TCF4: variants seen among roughly 807,000 people sequenced by gnomAD.
TCF4 encodes the protein SL3-3 enhancer factor 2.
A neutral mutation model predicts 82.1 loss-of-function variants in TCF4; 3 were observed. The observed-to-expected ratio is 0.04, with a 90% CI of 0.02 to 0.09. TCF4 has a LOEUF of 0.09. Ranked by LOEUF, TCF4 falls within the 10% of genes least tolerant of loss-of-function variation. The pLI, the probability that TCF4 is intolerant of heterozygous loss-of-function variation, is 1.00. For missense variants in TCF4, 518 were observed against 852.7 expected (o/e 0.61, Z 4.89); for synonymous variants, 276 against 309.6 (o/e 0.89, Z 1.14).
At chr18:55,579,082 T>C (rs1319583059) in intron 3 of TCF4, among the ~76,000 whole-genome samples, 2 of 148,910 alleles carry the variant, frequency 1.3e-5, no homozygotes, top group African/African-American at 4.9e-5. Context: ...CTAATATAAA[T>C]ATATATATAT....
intron 9 of TCF4, among the ~76,000 whole-genome samples, chr18:55,277,258 C>A (rs1196691433): frequency 1.3e-5 from 2 of 151,970 alleles, no homozygotes; most frequent in African/African-American, 4.8e-5. Flanking sequence ...AGCTTTAGTC[C>A]TTAGATTACA....
intron 5 of TCF4, among the ~76,000 whole-genome samples, chr18:55,430,405 A>C (rs1414824609): frequency 6.6e-6 from 1 of 152,244 alleles, no homozygotes; most frequent in Non-Finnish European, 1.5e-5. Context: ...GTTTTCCAAC[A>C]GCAAACTGGA....
chr18:55,331,637 A>G (rs1374612369), intron 8 of TCF4, among the ~76,000 whole-genome samples: 2 of 152,240 alleles, frequency 1.3e-5, no homozygotes, highest in African/African-American at 2.4e-5. Context: ...ATAAGTCTTC[A>G]TGAAATGGGA....
At chr18:55,591,797 G>A (rs1161960091), upstream of TCF4, among the ~76,000 whole-genome samples, 1 of 152,210 alleles carries the variant, frequency 6.6e-6, no homozygotes, top group African/African-American at 2.4e-5. Context: ...AATTACAGGT[G>A]TGAGCCACTG....
rs2046078101 is a variant in TCF4, at chr18:55,223,056, C to T, written c.*4979G>A. The T allele has an allele frequency of 6.6e-6, 1 of 152,168 alleles. No homozygotes were observed. The allele number at this position is 152,168 out of a possible 1,614,324, so 9.4% of individuals were successfully genotyped here. On this transcript the variant is annotated 3_prime_UTR_variant, in exon 20 of 20. Coordinates refer to ENST00000354452, the MANE Select transcript of TCF4 (RefSeq NM_001083962.2). ...CTGAAAAGATCTGAGAATGTTCTGC[C>T]AAACAGCCGACCAACTGGTGCAAAA...
chr18:55,603,814 T>C (rs533704187), intron 2 of TCF4, among the ~76,000 whole-genome samples: 1 of 152,124 alleles, frequency 6.6e-6, no homozygotes, highest in South Asian at 2.1e-4. Flanking sequence ...ATGTCTCATT[T>C]GTTAGGAGGC....
At chr18:55,614,907 A>G (rs1464206955) in intron 2 of TCF4, among the ~76,000 whole-genome samples, 1 of 152,090 alleles carries the variant, frequency 6.6e-6, no homozygotes, top group Admixed American at 6.6e-5. Context: ...ACCCATTCTG[A>G]GTTAATTTTT....
At chr18:55,476,594 C>G (rs2096294164) in intron 3 of TCF4, among the ~76,000 whole-genome samples, 1 of 151,850 alleles carries the variant, frequency 6.6e-6, no homozygotes, top group East Asian at 1.9e-4. Flanking sequence ...TCCCACCTCA[C>G]CCTCCTGAGT....
At chr18:55,466,852 G>T (rs2096035844) in intron 3 of TCF4, among the ~76,000 whole-genome samples, 1 of 152,168 alleles carries the variant, frequency 6.6e-6, no homozygotes, top group Non-Finnish European at 1.5e-5. Context: ...AAAAATGCTG[G>T]AAGTCTAGCT....
At chr18:55,387,858 C>A (rs1425847296) in intron 6 of TCF4, among the ~76,000 whole-genome samples, 1 of 152,160 alleles carries the variant, frequency 6.6e-6, no homozygotes, top group Non-Finnish European at 1.5e-5. Context: ...TGACCTTTTG[C>A]TCTTTGGAAG....
chr18:55,619,525 A>G (rs2097715572), intron 2 of TCF4, among the ~76,000 whole-genome samples: 2 of 152,146 alleles, frequency 1.3e-5, no homozygotes, highest in African/African-American at 4.8e-5. Context: ...AATTTCAGAC[A>G]TTGTTGTTTT....
At chr18:55,467,520 A>T (rs771844195) in intron 3 of TCF4, among the ~76,000 whole-genome samples, 7 of 152,128 alleles carry the variant, frequency 4.6e-5, no homozygotes, top group Non-Finnish European at 1.0e-4. Context: ...GAACCACAGG[A>T]CTACTCCACT....
intron 3 of TCF4, among the ~76,000 whole-genome samples, chr18:55,571,936 G>C (rs2097475730): frequency 6.7e-6 from 1 of 150,020 alleles, no homozygotes; most frequent in South Asian, 2.1e-4. Flanking sequence ...CCAAAAGAAA[G>C]GTAATTAATT....
At chr18:55,293,159 A>G (rs951834704) in intron 8 of TCF4, among the ~76,000 whole-genome samples, 3 of 152,088 alleles carry the variant, frequency 2.0e-5, no homozygotes, top group African/African-American at 7.2e-5. Flanking sequence ...AAAATAACAC[A>G]CAGTAGTGGG....
upstream of TCF4, chr18:55,589,760 G>C (rs1199060675): frequency 7.9e-6 from 8 of 1,015,766 alleles, no homozygotes; most frequent in African/African-American, 1.7e-5. Context: ...AGGTTTCCCT[G>C]AAAGATACAT....
chr18:55,337,117 GATA>G (rs1258486886), intron 8 of TCF4, among the ~76,000 whole-genome samples: 2 of 151,958 alleles, frequency 1.3e-5, no homozygotes, highest in African/African-American at 4.8e-5. Flanking sequence ...TTAAATACTA[GATA>G]ATAATTTAAA....
At chr18:55,389,396 T>C (rs954819555) in intron 6 of TCF4, among the ~76,000 whole-genome samples, 1 of 152,098 alleles carries the variant, frequency 6.6e-6, no homozygotes, top group Non-Finnish European at 1.5e-5. Context: ...GACAGTGTGA[T>C]GACTGTGAGG....
intron 3 of TCF4, among the ~76,000 whole-genome samples, chr18:55,535,002 A>G (rs1019169838): frequency 6.6e-6 from 1 of 152,250 alleles, no homozygotes; most frequent in African/African-American, 2.4e-5. Flanking sequence ...TCTTGTCATC[A>G]TCATTTACAC....
chr18:55,442,489 C>G (rs912232528), intron 5 of TCF4, among the ~76,000 whole-genome samples: 2 of 152,082 alleles, frequency 1.3e-5, no homozygotes, highest in African/African-American at 4.8e-5. Flanking sequence ...AAAAGGGTGA[C>G]AGAGAAATAA....
Sources: gnomAD v4.1 joint callset for allele counts (sites outside exome capture counted in the v4.1 genomes callset) on GRCh38, gnomAD v4.1.1 for gene constraint, MANE v1.5 for transcripts, NCBI Gene and HGNC (gene_info 2026-07-23, HGNC 2026-07-21) for gene names.